RAB6A: variants seen among roughly 807,000 people sequenced by gnomAD.
The protein encoded by RAB6A is RAB6A, member RAS oncogene family.
RAB6A carries 8 observed loss-of-function variants against 32.3 expected under a neutral mutation model. The observed-to-expected ratio is 0.25, with a 90% confidence interval of 0.15 to 0.45. The LOEUF is 0.45. Ranked by LOEUF, RAB6A falls within the 20% of genes least tolerant of loss-of-function variation. RAB6A has a pLI of 1.00. For missense variants in RAB6A, 104 were observed against 249.4 expected, an observed-to-expected ratio of 0.42 and a Z score of 3.93; for synonymous variants, 73 against 82.1, an observed-to-expected ratio of 0.89 and a Z score of 0.60.
Position 73,696,001 on chromosome 11 carries a change from G to A in RAB6A, c.495+11419C>T, listed in dbSNP as rs185438300. Among the ~76,000 whole-genome samples the A allele has an allele frequency of 7.9e-5, 12 of 152,260 alleles. No homozygotes were observed. In the East Asian group the frequency reaches 2.3e-3, roughly 29 times the overall value. Reference sequence around the variant, plus strand: ...GGAGATTTCAAAATAAAATCACTATGACTACCAGTTCTTACCTTATGAAGT... The same window carrying A: ...GGAGATTTCAAAATAAAATCACTATAACTACCAGTTCTTACCTTATGAAGT... On this transcript the variant is annotated intron_variant, in intron 6 of 7. Transcript: ENST00000336083.
At chr11:73,721,109 A>G (rs1381836629) in intron 2 of RAB6A, among the ~76,000 whole-genome samples, 1 of 152,240 alleles carries the variant, frequency 6.6e-6, no homozygotes, top group Non-Finnish European at 1.5e-5. Context: ...GATTGTTTTA[A>G]GCCTTTTACA....
chr11:73,718,134 C>A (rs906811428), intron 4 of RAB6A, among the ~76,000 whole-genome samples: 1 of 152,144 alleles, frequency 6.6e-6, no homozygotes, highest in Non-Finnish European at 1.5e-5. Context: ...GAAAACTGTA[C>A]ATTATGTTTT....
At chr11:73,683,834 T>C (rs963392068) in intron 6 of RAB6A, among the ~76,000 whole-genome samples, 7 of 152,212 alleles carry the variant, frequency 4.6e-5, no homozygotes, top group African/African-American at 1.7e-4. Flanking sequence ...ATTAAAGGCA[T>C]GTGCCACTGC....
chr11:73,691,346 T>A (rs751966778), intron 6 of RAB6A, among the ~76,000 whole-genome samples: 3 of 152,164 alleles, frequency 2.0e-5, no homozygotes, highest in Non-Finnish European at 4.4e-5. Context: ...AGCTAATTCT[T>A]TATTTTTTGT....
At chr11:73,728,650 T>TAATAATAATAATAATA (rs1946261020) in intron 2 of RAB6A, among the ~76,000 whole-genome samples, 4 of 48,000 alleles carry the variant, frequency 8.3e-5, no homozygotes, top group African/African-American at 2.4e-4. Flanking sequence ...TAATAATAAA[T>TAATAATAATAATAATA]GAAATAAAAA....
At chr11:73,703,337 A>C (rs920832226) in intron 6 of RAB6A, among the ~76,000 whole-genome samples, 55 of 152,324 alleles carry the variant, frequency 3.6e-4, no homozygotes, top group African/African-American at 1.2e-3. Flanking sequence ...TTTTATGGCA[A>C]AACAATGCAG....
intron 2 of RAB6A, among the ~76,000 whole-genome samples, chr11:73,726,449 G>A (rs1249702255): frequency 6.6e-6 from 1 of 151,688 alleles, no homozygotes; most frequent in Admixed American, 6.6e-5. Context: ...AGGCGTGGTG[G>A]CAGGTGCCTG....
At chr11:73,760,415 G>A in intron 1 of RAB6A, 151 bp downstream of exon 1, 2 of 1,074,638 alleles carry the variant, frequency 1.9e-6, no homozygotes, top group Non-Finnish European at 2.6e-6. Flanking sequence ...CGAAGAGCCA[G>A]TGGCACCGGG....
intron 5 of RAB6A, among the ~76,000 whole-genome samples, chr11:73,714,966 A>C (rs896099526): frequency 6.6e-6 from 1 of 152,094 alleles, no homozygotes; most frequent in Non-Finnish European, 1.5e-5. Context: ...ACTCCATCCC[A>C]AAAAAAGAAA....
intron 6 of RAB6A, 120 bp downstream of exon 6, chr11:73,707,300 T>G: frequency 1.5e-6 from 1 of 651,388 alleles, no homozygotes; most frequent in Non-Finnish European, 2.6e-6. Context: ...TGTTTGAAAA[T>G]ATACTGCTAG....
chr11:73,708,256 A>G (rs547410156), intron 5 of RAB6A, among the ~76,000 whole-genome samples: 5 of 152,174 alleles, frequency 3.3e-5, no homozygotes, highest in Admixed American at 2.0e-4. Context: ...GCAACCTCCA[A>G]CACCTGGGTT....
chr11:73,718,418 A>G (rs1946083993), intron 4 of RAB6A, among the ~76,000 whole-genome samples, 195 bp downstream of exon 4: 1 of 152,188 alleles, frequency 6.6e-6, no homozygotes, highest in Non-Finnish European at 1.5e-5. Context: ...GGGGCAAAAA[A>G]CCTGGCACAG....
Position 73,685,350 on chromosome 11 carries a change from G to A in RAB6A, c.496-5630C>T, listed in dbSNP as rs547670043. Among the ~76,000 whole-genome samples the A allele has an allele frequency of 2.6e-4, 37 of 144,820 alleles. No homozygotes were observed. The East Asian group carries it at 3.4e-3, about 13-fold the overall frequency. ...GTTGCCCAGGCTGGAGTGCAGTGGC[G>A]CGATCTCAGCTCACTGCAACCTCTG... On this transcript the variant is annotated intron_variant, in intron 6 of 7. Transcript: ENST00000336083.
At chr11:73,687,981 AGT>A (rs1171867801) in intron 6 of RAB6A, among the ~76,000 whole-genome samples, 2 of 152,192 alleles carry the variant, frequency 1.3e-5, no homozygotes, top group African/African-American at 4.8e-5. Flanking sequence ...CAGAAGAGAT[AGT>A]GTCTTTCTTA....
At chr11:73,727,580 A>C (rs1590868681) in intron 2 of RAB6A, among the ~76,000 whole-genome samples, 1 of 152,208 alleles carries the variant, frequency 6.6e-6, no homozygotes, top group South Asian at 2.1e-4. Context: ...TGGTAGAACT[A>C]AGACATAAAT....
chr11:73,731,255 G>A (rs553286594), intron 1 of RAB6A, among the ~76,000 whole-genome samples: 10 of 152,072 alleles, frequency 6.6e-5, no homozygotes, highest in Admixed American at 3.9e-4. Flanking sequence ...TTAAGAGTGA[G>A]AAAAACTGGC....
intron 6 of RAB6A, among the ~76,000 whole-genome samples, chr11:73,699,701 T>C (rs960088779): frequency 3.9e-5 from 6 of 152,212 alleles, no homozygotes; most frequent in African/African-American, 1.4e-4. Flanking sequence ...CATAAGTTTC[T>C]TGAAGTTAGG....
At chr11:73,724,577 C>T (rs1946188923) in intron 2 of RAB6A, among the ~76,000 whole-genome samples, 1 of 151,774 alleles carries the variant, frequency 6.6e-6, no homozygotes, top group South Asian at 2.1e-4. Flanking sequence ...CCTCCGCCTC[C>T]CGGGGTTCAC....
intron 1 of RAB6A, among the ~76,000 whole-genome samples, chr11:73,755,274 C>G (rs991997247): frequency 6.6e-6 from 1 of 151,148 alleles, no homozygotes; most frequent in Non-Finnish European, 1.5e-5. Context: ...TTTTCTTTTT[C>G]AATACAGTAA....
Sources: gnomAD v4.1 joint callset for allele counts (sites outside exome capture counted in the v4.1 genomes callset) on GRCh38, gnomAD v4.1.1 for gene constraint, MANE v1.5 for transcripts, NCBI Gene and HGNC (gene_info 2026-07-23, HGNC 2026-07-21) for gene names.